JMJD1C: variants seen among roughly 807,000 people sequenced by gnomAD.
JMJD1C encodes jumonji domain containing 1C.
A neutral mutation model predicts 245.3 loss-of-function variants in JMJD1C; 31 were observed. The observed-to-expected ratio is 0.13, with a 90% CI of 0.09 to 0.17. The LOEUF (loss-of-function observed/expected upper bound fraction) is 0.17, where lower values mean the gene tolerates loss of function less well. JMJD1C is among the 10% of genes least tolerant of loss of function. JMJD1C has a pLI of 1.00. For missense variants in JMJD1C, 2,691 were observed against 3,000.2 expected (o/e 0.90, Z 2.41); for synonymous variants, 1,057 against 1,017.4 (o/e 1.04, Z -0.74).
chr10:63,483,184 A>G (rs1178660041), intron 1 of JMJD1C, among the ~76,000 whole-genome samples: 3 of 152,228 alleles, frequency 2.0e-5, no homozygotes, highest in African/African-American at 4.8e-5. Flanking sequence ...GAAATTTACT[A>G]ATTTTAGTTC....
chr10:63,176,698 C>T (rs1842884182), intron 23 of JMJD1C: 2 of 428,816 alleles, frequency 4.7e-6, no homozygotes, highest in Non-Finnish European at 8.4e-6. Flanking sequence ...CAGTTTACTA[C>T]TTCCTTCTCA....
intron 3 of JMJD1C, among the ~76,000 whole-genome samples, chr10:63,256,215 TAACATGTTCCTA>T (rs1220864224): frequency 6.6e-5 from 10 of 152,300 alleles, no homozygotes; most frequent in Admixed American, 5.9e-4. Flanking sequence ...TCAGTCAAAA[TAACATGTTCCTA>T]AACTCCAAGG....
intron 2 of JMJD1C, among the ~76,000 whole-genome samples, chr10:63,296,860 T>C (rs72831023): frequency 0.2 from 30,671 of 152,114 alleles, 4,055 homozygotes; most frequent in Non-Finnish European, 0.29. Flanking sequence ...GGGTGGAGGA[T>C]AGACAATTTT....
chr10:63,335,760 C>T (rs1470426874), intron 2 of JMJD1C, among the ~76,000 whole-genome samples: 2 of 152,108 alleles, frequency 1.3e-5, no homozygotes, highest in Non-Finnish European at 2.9e-5. Flanking sequence ...ATCTGCCTGC[C>T]TCGGCCTCCC....
At chr10:63,503,840 GGTGACTGCTTAGA>G (rs2133258969) in intron 1 of JMJD1C, among the ~76,000 whole-genome samples, 1 of 152,258 alleles carries the variant, frequency 6.6e-6, no homozygotes, top group African/African-American at 2.4e-5. Flanking sequence ...AAAATCTCCT[GGTGACTGCTTAGA>G]GTATGATCAT....
chr10:63,231,506 G>C (rs1423871251), intron 3 of JMJD1C, among the ~76,000 whole-genome samples: 4 of 152,114 alleles, frequency 2.6e-5, no homozygotes, highest in African/African-American at 9.7e-5. Flanking sequence ...ATAAAACAAG[G>C]AAATAGGCCG....
At chr10:63,239,944 C>T (rs1190150141) in intron 3 of JMJD1C, among the ~76,000 whole-genome samples, 2 of 152,172 alleles carry the variant, frequency 1.3e-5, no homozygotes, top group African/African-American at 4.8e-5. Flanking sequence ...TTCTCCCCTC[C>T]CCAATCCTTA....
intron 1 of JMJD1C, among the ~76,000 whole-genome samples, chr10:63,496,624 T>C (rs975521924): frequency 6.6e-6 from 1 of 152,232 alleles, no homozygotes; most frequent in Non-Finnish European, 1.5e-5. Context: ...TTTCATTACT[T>C]CTTCTGAGCT....
In JMJD1C at chr10:63,292,144, A is replaced by ATTCTTTTTTTTTTTTTTTT. The variant is rs1858837031; in HGVS notation, c.334-27381_334-27380insAAAAAAAAAAAAAAAAGAA. 3.6e-5 allele frequency among the ~76,000 whole-genome samples: 2 copies of ATTCTTTTTTTTTTTTTTTT among 56,326 alleles called. 1 individual carries two copies. Among genetic ancestry groups the ATTCTTTTTTTTTTTTTTTT allele is most frequent in the Non-Finnish European group, 6.3e-5 (2 of 31,588 alleles). The allele number at this position is 56,326 out of a possible 152,430, so 37.0% of individuals were successfully genotyped here. ...TTTTTTTTAGTTTCTGTAGAGACAG[A>ATTCTTTTTTTTTTTTTTTT]TTTTTTTTTTTTTTTTTTTGCCTAG... On this transcript the variant is annotated intron_variant, in intron 2 of 25. Transcript: ENST00000399262.
chr10:63,266,653 G>C (rs1310230070), intron 2 of JMJD1C, among the ~76,000 whole-genome samples: 4 of 152,054 alleles, frequency 2.6e-5, no homozygotes, highest in African/African-American at 9.7e-5. Context: ...ATTATCAAAT[G>C]ATCTATTTCT....
At chr10:63,258,839 T>TA (rs1203685516) in intron 3 of JMJD1C, among the ~76,000 whole-genome samples, 1 of 152,120 alleles carries the variant, frequency 6.6e-6, no homozygotes, top group Non-Finnish European at 1.5e-5. Context: ...TTATCAACTT[T>TA]AAAAAATCAT....
chr10:63,184,473 A>C (rs1589081707), intron 21 of JMJD1C, 135 bp downstream of exon 21: 1 of 690,624 alleles, frequency 1.4e-6, no homozygotes, highest in African/African-American at 1.9e-5. Flanking sequence ...CAATCTCCTG[A>C]CCTCGTGATT....
At chr10:63,417,954 G>A (rs1217925187) in intron 1 of JMJD1C, among the ~76,000 whole-genome samples, 1 of 152,112 alleles carries the variant, frequency 6.6e-6, no homozygotes, top group Admixed American at 6.5e-5. Flanking sequence ...TAAACCTAAT[G>A]ACTTTATAGA....
intron 1 of JMJD1C, among the ~76,000 whole-genome samples, chr10:63,389,816 G>C (rs1947912776): frequency 6.6e-6 from 1 of 151,942 alleles, no homozygotes. Flanking sequence ...AAGAAACTAA[G>C]GATGAAATCA....
At chr10:63,319,191 A>G (rs1413808830) in intron 2 of JMJD1C, among the ~76,000 whole-genome samples, 1 of 139,816 alleles carries the variant, frequency 7.2e-6, no homozygotes, top group African/African-American at 2.6e-5. Context: ...CCGGAGGCGG[A>G]GCTTGCAGTG....
At chr10:63,399,199 G>C (rs1250857697) in intron 1 of JMJD1C, among the ~76,000 whole-genome samples, 1 of 152,188 alleles carries the variant, frequency 6.6e-6, no homozygotes, top group Non-Finnish European at 1.5e-5. Context: ...TCCTTGGTCA[G>C]TGAGACAATC....
At chr10:63,473,324 C>T (rs780604713) in intron 1 of JMJD1C, among the ~76,000 whole-genome samples, 1 of 152,022 alleles carries the variant, frequency 6.6e-6, no homozygotes, top group Non-Finnish European at 1.5e-5. Context: ...TGGCTCACTG[C>T]AACCTCTGCC....
At chr10:63,210,171 T>C (rs1847153316) in intron 8 of JMJD1C, among the ~76,000 whole-genome samples, 2 of 152,166 alleles carry the variant, frequency 1.3e-5, no homozygotes, top group South Asian at 2.1e-4. Flanking sequence ...ATCAAATATG[T>C]GTCTCAAACG....
At position 63,309,010 on chromosome 10, in the gene JMJD1C, T is replaced by C. The variant is rs893725810; in HGVS notation, c.334-44246A>G. Among the ~76,000 whole-genome samples, 7 of 152,128 alleles carry C rather than the reference T, an allele frequency of 4.6e-5. No homozygotes were observed. In the South Asian group the frequency reaches 1.0e-3, roughly 23 times the overall value. ...ATGGCAGAATGGCAGGCTTGGATAC[T>C]TTTACAATGGTCCATCTTCAGAATA... On this transcript the variant is annotated intron_variant, in intron 2 of 25. Transcript: ENST00000399262.
Sources: allele counts gnomAD v4.1 joint callset (sites outside exome capture counted in the v4.1 genomes callset), GRCh38; gene constraint gnomAD v4.1.1; transcripts MANE v1.5; gene names NCBI Gene and HGNC (gene_info 2026-07-23, HGNC 2026-07-21).